The following FNDC3A variants were observed in gnomAD, a reference collection of about 807,000 sequenced individuals.
The protein encoded by FNDC3A is fibronectin type-III domain-containing protein 3A.
Under a neutral mutation model 148.9 loss-of-function variants are expected in FNDC3A, and 32 were observed. The ratio of observed to expected loss-of-function variants is 0.21; its 90% CI spans 0.16 to 0.29. The LOEUF is 0.29. Ranked by LOEUF, FNDC3A falls within the 10% of genes least tolerant of loss-of-function variation. The pLI, the probability that FNDC3A is intolerant of heterozygous loss-of-function variation, is 1.00. For missense variants in FNDC3A, 1,191 were observed against 1,452.8 expected, an observed-to-expected ratio of 0.82 and a Z score of 2.93; for synonymous variants, 472 against 473.6, an observed-to-expected ratio of 1.00 and a Z score of 0.04.
At chr13:49,064,401 GCC>G (rs58870053) in intron 2 of FNDC3A, among the ~76,000 whole-genome samples, 160 of 60,812 alleles carry the variant, frequency 2.6e-3, no homozygotes, top group Non-Finnish European at 3.9e-3. Flanking sequence ...ATTGCCCCCC[GCC>G]CCCCCCCCAA....
chr13:48,980,869 G>C (rs911009494), intron 1 of FNDC3A, among the ~76,000 whole-genome samples: 1 of 152,086 alleles, frequency 6.6e-6, no homozygotes, highest in Non-Finnish European at 1.5e-5. Context: ...CATATATCAG[G>C]GTTAGTATTA....
At chr13:49,105,475 C>T (rs1182416234) in intron 3 of FNDC3A, among the ~76,000 whole-genome samples, 2 of 152,188 alleles carry the variant, frequency 1.3e-5, no homozygotes, top group African/African-American at 4.8e-5. Flanking sequence ...TTGTTGATGT[C>T]ATCCAGTCTC....
At chr13:48,989,926 A>AT (rs1220251539) in intron 1 of FNDC3A, among the ~76,000 whole-genome samples, 1 of 151,914 alleles carries the variant, frequency 6.6e-6, no homozygotes, top group East Asian at 1.9e-4. Context: ...TAATTTTTGT[A>AT]TTTTTAGTAG....
chr13:49,039,744 C>T (rs749599051), intron 2 of FNDC3A, among the ~76,000 whole-genome samples: 6 of 151,942 alleles, frequency 3.9e-5, no homozygotes, highest in East Asian at 1.9e-4. Context: ...GACGGAGTTT[C>T]GCTCTTTTTG....
rs1169636648 is a variant in FNDC3A, at chr13:49,084,929, GC to G, written c.175+9566del. Among the ~76,000 whole-genome samples the G allele has an allele frequency of 2.6e-5, 4 of 152,128 alleles. No homozygotes were observed. The East Asian group carries it at 7.7e-4, about 29-fold the overall frequency. ...GTAACCAGCCCCGGTGCTTCTGGGG[GC>G]AGTTATTGTCAACTCCTCTATCTGA... On this transcript the variant is annotated intron_variant, in intron 3 of 25. Coordinates refer to ENST00000492622, the MANE Select transcript of FNDC3A (RefSeq NM_001079673.2).
intron 4 of FNDC3A, among the ~76,000 whole-genome samples, chr13:49,130,474 A>G (rs1006461039): frequency 1.3e-5 from 2 of 152,004 alleles, no homozygotes. Flanking sequence ...CCCTACTCCT[A>G]GTCATAATAT....
At chr13:48,998,512 T>C (rs1167730581) in intron 1 of FNDC3A, among the ~76,000 whole-genome samples, 1 of 152,220 alleles carries the variant, frequency 6.6e-6, no homozygotes, top group African/African-American at 2.4e-5. Flanking sequence ...TGTTTAGACT[T>C]GAGTTTCATC....
intron 11 of FNDC3A, among the ~76,000 whole-genome samples, chr13:49,173,355 AT>A (rs1884862367): frequency 6.6e-6 from 1 of 152,254 alleles, no homozygotes; most frequent in African/African-American, 2.4e-5. Flanking sequence ...TATCACATTA[AT>A]TTAGAAGAAA....
intron 3 of FNDC3A, among the ~76,000 whole-genome samples, chr13:49,075,663 G>A (rs1156834184): frequency 3.3e-5 from 5 of 152,074 alleles, no homozygotes; most frequent in Non-Finnish European, 1.5e-5. Flanking sequence ...GATCATTTCA[G>A]CTTTTTAGTC....
At chr13:49,052,729 C>T (rs1566216511) in intron 2 of FNDC3A, among the ~76,000 whole-genome samples, 2 of 152,132 alleles carry the variant, frequency 1.3e-5, no homozygotes, top group Non-Finnish European at 2.9e-5. Context: ...GCCCTAGGGA[C>T]ACCTGGTTAA....
At chr13:49,000,070 A>G (rs1395315040) in intron 1 of FNDC3A, among the ~76,000 whole-genome samples, 1 of 152,188 alleles carries the variant, frequency 6.6e-6, no homozygotes, top group Non-Finnish European at 1.5e-5. Flanking sequence ...TCTGATGCAC[A>G]AAAGTTTCTA....
intron 1 of FNDC3A, among the ~76,000 whole-genome samples, chr13:48,979,126 A>C (rs189202715): frequency 1.7e-3 from 260 of 152,178 alleles, no homozygotes; most frequent in African/African-American, 6.1e-3. Flanking sequence ...ACCCATTACC[A>C]GTCCTTGGGC....
intron 1 of FNDC3A, among the ~76,000 whole-genome samples, chr13:49,004,396 G>A (rs558599845): frequency 1.3e-5 from 2 of 152,146 alleles, no homozygotes; most frequent in South Asian, 4.1e-4. Flanking sequence ...AAACTTTAGT[G>A]TGTTCTAGTT....
intron 1 of FNDC3A, among the ~76,000 whole-genome samples, chr13:48,979,715 G>T (rs542726106): frequency 6.6e-6 from 1 of 152,188 alleles, no homozygotes; most frequent in African/African-American, 2.4e-5. Flanking sequence ...GTGTTTGTTT[G>T]TATGGCTTAG....
intron 2 of FNDC3A, among the ~76,000 whole-genome samples, chr13:49,041,771 A>G (rs2137687432): frequency 6.6e-6 from 1 of 151,006 alleles, no homozygotes; most frequent in African/African-American, 2.4e-5. Context: ...AGATCATGCC[A>G]CTGCACCCCA....
chr13:49,183,733 C>CA (rs1885420843), intron 14 of FNDC3A, among the ~76,000 whole-genome samples: 1 of 152,152 alleles, frequency 6.6e-6, no homozygotes, highest in African/African-American at 2.4e-5. Context: ...ATCCATGTGA[C>CA]TGTGAGAGGA....
intron 14 of FNDC3A, among the ~76,000 whole-genome samples, chr13:49,185,580 T>C (rs1221240205): frequency 6.6e-6 from 1 of 152,172 alleles, no homozygotes; most frequent in Non-Finnish European, 1.5e-5. Context: ...ACTTCACCTT[T>C]TGAAGAAAGG....
At chr13:49,069,786 C>T (rs1440726096) in intron 2 of FNDC3A, among the ~76,000 whole-genome samples, 1 of 152,128 alleles carries the variant, frequency 6.6e-6, no homozygotes, top group African/African-American at 2.4e-5. Flanking sequence ...GGTACACCAT[C>T]AGAAATCCAA....
At chr13:49,134,016 A>G (rs1435051820) in intron 5 of FNDC3A, among the ~76,000 whole-genome samples, 1 of 152,162 alleles carries the variant, frequency 6.6e-6, no homozygotes, top group African/African-American at 2.4e-5. Flanking sequence ...ACAGTTCATC[A>G]TTTTACACTT....
Sources: gnomAD v4.1 joint callset for allele counts (sites outside exome capture counted in the v4.1 genomes callset) on GRCh38, gnomAD v4.1.1 for gene constraint, MANE v1.5 for transcripts, NCBI Gene and HGNC (gene_info 2026-07-23, HGNC 2026-07-21) for gene names.